The following XAGE2 variants were observed in gnomAD, a reference collection of about 807,000 sequenced individuals.
XAGE2 encodes X antigen family member 2, also known as G antigen family D member 3.
Under a neutral mutation model 9.9 loss-of-function variants are expected in XAGE2, and 7 were observed. The ratio of observed to expected loss-of-function variants is 0.71; its 90% CI spans 0.40 to 1.32. The LOEUF is 1.32. Among genes scored for constraint, XAGE2 ranks in the 40% most tolerant of loss-of-function variants. The pLI is 0.01. For synonymous variants in XAGE2, 31 were observed against 26.8 expected (o/e 1.16, Z -0.48); for missense variants, 85 against 81.0 (o/e 1.05, Z -0.19).
chrX:52,371,111 TTAGCCCTATTTTA>T (rs1211682952), intron 3 of XAGE2, among the ~76,000 whole-genome samples: 1 of 111,622 alleles, frequency 9.0e-6, no homozygotes, highest in Non-Finnish European at 1.9e-5. Context: ...CATAGGGATA[TTAGCCCTATTTTA>T]TAAAAAGGAA....
chrX:52,369,753 A>C (rs894191415), intron 1 of XAGE2, among the ~76,000 whole-genome samples: 2 of 112,540 alleles, frequency 1.8e-5, no homozygotes, highest in African/African-American at 6.5e-5. Context: ...CCAACTGTGA[A>C]ACCAAATCTC....
At chrX:52,372,752 C>T in intron 4 of XAGE2, 83 bp downstream of exon 4, 1 of 1,106,961 alleles carries the variant, frequency 9.0e-7, no homozygotes, top group Non-Finnish European at 1.2e-6. Context: ...GATAATATTA[C>T]TGCCACTTTA....
At chrX:52,373,539 C>T (rs976937491) in intron 4 of XAGE2, among the ~76,000 whole-genome samples, 1,557 of 111,234 alleles carry the variant, frequency 0.014, 19 homozygotes, top group Middle Eastern at 0.074. Flanking sequence ...TTTTTGCTCT[C>T]CTGTCAGTCT....
intron 4 of XAGE2, among the ~76,000 whole-genome samples, chrX:52,373,703 A>C (rs1921249876): frequency 8.9e-6 from 1 of 112,232 alleles, no homozygotes; most frequent in Non-Finnish European, 1.9e-5. Flanking sequence ...AGTCAACATA[A>C]GTATCTTTTA....
In XAGE2 at chrX:52,372,535, A is replaced by G. The variant is rs1921215498; in HGVS notation, c.188-9A>G. On this transcript the variant is annotated splice_polypyrimidine_tract_variant and intron_variant, in intron 3 of 4. Coordinates refer to ENST00000286049, the MANE Select transcript of XAGE2 (RefSeq NM_130777.3). ...TGTACTCAAGTTCAATAACCTTTGTATTTTTTAGTGCCTGACCTGGAAGCC... is the reference window on the plus strand; with the variant it reads ...TGTACTCAAGTTCAATAACCTTTGTGTTTTTTAGTGCCTGACCTGGAAGCC... 3.3e-6 allele frequency: 4 copies of G among 1,208,394 alleles called. No homozygotes were observed. In the Admixed American group the frequency reaches 8.8e-5, roughly 26 times the overall value.
rs925350344 is a variant in XAGE2 at position 52,372,552 on chromosome X, C to T, written c.196C>T (p.Leu66=). Residue 66 remains leucine (L), a synonymous_variant, in exon 4 of 5, where the codon CTG becomes TTG. Coordinates refer to ENST00000286049, the MANE Select transcript of XAGE2 (RefSeq NM_130777.3). ...QGAAEIQVPD[L]EADLQELCQT... ...ACCTTTGTATTTTTTAGTGCCTGAC[C>T]TGGAAGCCGATCTCCAGGAGCTATG... 3.0e-5 allele frequency: 36 copies of T among 1,208,744 alleles called. No homozygotes were observed. The Middle Eastern group carries it at 6.9e-4, about 23-fold the overall frequency.
At position 52,372,546 on chromosome X, in the gene XAGE2, C is replaced by T. The variant is rs1232709828; in HGVS notation, c.190C>T (p.Pro64Ser). 8.3e-7 allele frequency: 1 copy of T among 1,208,178 alleles called. No individual in the cohort carries two copies. Among genetic ancestry groups the T allele is most frequent in the African/African-American group, 1.8e-5 (1 of 56,811 alleles). ...DDQGAAEIQVPDLEADLQELC... is the reference protein window; with the variant it reads ...DDQGAAEIQVSDLEADLQELC... ...TCAATAACCTTTGTATTTTTTAGTGCCTGACCTGGAAGCCGATCTCCAGGA... is the reference window on the plus strand; with the variant it reads ...TCAATAACCTTTGTATTTTTTAGTGTCTGACCTGGAAGCCGATCTCCAGGA... The change falls in exon 4 of 5, where the codon CCT (proline) becomes TCT (serine). Residue 64 changes from proline to serine, a missense_variant and splice_region_variant. Physicochemically the swap from Pro to Ser is moderately conservative, Grantham distance 74. Transcript: ENST00000286049.
At chrX:52,370,719 A>G (rs1269458090) in intron 3 of XAGE2, 47 bp downstream of exon 3, 25 of 1,107,449 alleles carry the variant, frequency 2.3e-5, no homozygotes, top group Non-Finnish European at 2.7e-5. Flanking sequence ...AAGGAGGCCT[A>G]TGTGTCCATC....
chrX:52,372,744 T>A (rs1921224004), intron 4 of XAGE2, 75 bp downstream of exon 4: 2 of 1,121,101 alleles, frequency 1.8e-6, no homozygotes, highest in Admixed American at 2.2e-5. Context: ...CATAGAGAGA[T>A]AATATTACTG....
At position 52,370,644 on chromosome X, in the gene XAGE2, A is replaced by G; in HGVS notation, c.159A>G (p.Glu53=). 8.3e-7 allele frequency: 1 copy of G among 1,211,387 alleles called. No homozygotes were observed. The highest frequency in any genetic ancestry group is 1.1e-6 in the Non-Finnish European group (1 of 895,233). ...SRNPTPDQKR[E]DDQGAAEIQV... ...ATCCTACACCTGATCAGAAGAGAGAAGATGATCAGGGTGCAGCTGAGATTC... is the reference window on the plus strand; with the variant it reads ...ATCCTACACCTGATCAGAAGAGAGAGGATGATCAGGGTGCAGCTGAGATTC... The change falls in exon 3 of 5, where the codon GAA becomes GAG. Residue 53 remains glutamate, a synonymous_variant. Transcript: ENST00000286049.
At chrX:52,370,223 G>A in intron 2 of XAGE2, 128 bp downstream of exon 2, 1 of 733,596 alleles carries the variant, frequency 1.4e-6, no homozygotes, top group Admixed American at 2.7e-5. Context: ...ATCTCATGAA[G>A]GAAAGACTAA....
intron 1 of XAGE2, 102 bp from the exon 2 acceptor site, chrX:52,369,905 C>T: frequency 1.1e-6 from 1 of 925,336 alleles, no homozygotes; most frequent in Non-Finnish European, 1.6e-6. Flanking sequence ...AAATTATTTC[C>T]AAACTTTTTT....
chrX:52,373,179 T>G (rs1214339109), intron 4 of XAGE2, among the ~76,000 whole-genome samples: 1 of 112,287 alleles, frequency 8.9e-6, no homozygotes, highest in South Asian at 3.7e-4. Flanking sequence ...TTGGAGAGAA[T>G]AGAAAGATAT....
chrX:52,370,049 G>T lies in XAGE2; in HGVS notation c.35G>T (p.Arg12Met). The T allele has an allele frequency of 2.5e-6, 3 of 1,212,282 alleles. No individual in the cohort carries two copies. Among genetic ancestry groups the T allele is most frequent in the Non-Finnish European group, 3.3e-6 (3 of 895,545 alleles). The change falls in exon 2 of 5, where the codon AGG becomes ATG. Residue 12 changes from arginine (R) to methionine (M), a missense_variant. Transcript: ENST00000286049. ...SWRGRSTYRP[R>M]PRRSLQPPEL... ...CGAGGAAGATCAACATATAGGCCTA[G>T]GCCAAGAAGAAGTTTACAGCCTCCT...
intron 3 of XAGE2, 24 bp from the exon 4 acceptor site, chrX:52,372,520 T>C (rs1202487587): frequency 2.8e-5 from 34 of 1,207,933 alleles, no homozygotes; most frequent in Non-Finnish European, 3.6e-5. Flanking sequence ...TGTACTCAAG[T>C]TCAATAACCT....
At chrX:52,375,478 G>A (rs1354682339) in intron 4 of XAGE2, 91 bp from the exon 5 acceptor site, 8 of 1,009,099 alleles carry the variant, frequency 7.9e-6, no homozygotes, top group Non-Finnish European at 4.2e-6. Flanking sequence ...TCCACTGTAC[G>A]AAACAAAAAC....
chrX:52,370,109 T>C lies in XAGE2; in HGVS notation c.81+14T>C, dbSNP rs1465706273. On this transcript the variant is annotated intron_variant, in intron 2 of 4. Transcript: ENST00000286049. ...GGGGCTATGCTTGTGAGTGCTTTAATATTTTGATGTTTTTTATTAGCAGAA... is the reference window on the plus strand; with the variant it reads ...GGGGCTATGCTTGTGAGTGCTTTAACATTTTGATGTTTTTTATTAGCAGAA... The C allele has an allele frequency of 4.1e-5, 49 of 1,205,668 alleles. No homozygotes were observed. In the East Asian group the frequency reaches 1.4e-3, roughly 34 times the overall value.
Position 52,371,084 on chromosome X carries a change from T to A in XAGE2, c.187+412T>A, listed in dbSNP as rs978803155. ...CAAGTCACCCTACCTTATAACACCCTGAATAAAGCCCATTTGCATAGGGAT... is the reference window on the plus strand; with the variant it reads ...CAAGTCACCCTACCTTATAACACCCAGAATAAAGCCCATTTGCATAGGGAT... On this transcript the variant is annotated intron_variant, in intron 3 of 4. Transcript: ENST00000286049. Among the ~76,000 whole-genome samples, 8 of 111,413 alleles carry A rather than the reference T, an allele frequency of 7.2e-5. No homozygotes were observed. The East Asian group carries it at 2.3e-3, about 31-fold the overall frequency.
intron 1 of XAGE2, 148 bp downstream of exon 1, chrX:52,369,362 G>A (rs1197856143): frequency 8.8e-6 from 1 of 113,408 alleles, no homozygotes; most frequent in Non-Finnish European, 1.8e-5. Flanking sequence ...AATGCTCGGG[G>A]TGCTGTTGGA....
Sources: allele counts gnomAD v4.1 joint callset (sites outside exome capture counted in the v4.1 genomes callset), GRCh38; gene constraint gnomAD v4.1.1; transcripts MANE v1.5; gene names NCBI Gene and HGNC (gene_info 2026-07-23, HGNC 2026-07-21).